The following TRPC4AP variants were observed in gnomAD, a reference collection of about 807,000 sequenced individuals.
TRPC4AP encodes transient receptor potential cation channel subfamily C member 4 associated protein.
A neutral mutation model predicts 99.0 loss-of-function variants in TRPC4AP; 45 were observed. The observed-to-expected ratio is 0.45, with a 90% CI of 0.36 to 0.58. The LOEUF is 0.58. TRPC4AP is among the 20% of genes least tolerant of loss of function. TRPC4AP has a pLI of 0.00. For missense variants in TRPC4AP, 879 were observed against 985.3 expected, an observed-to-expected ratio of 0.89 and a Z score of 1.44; for synonymous variants, 408 against 385.8, an observed-to-expected ratio of 1.06 and a Z score of -0.67.
intron 1 of TRPC4AP, among the ~76,000 whole-genome samples, chr20:35,088,813 G>A (rs1342077477): frequency 6.6e-6 from 1 of 152,024 alleles, no homozygotes; most frequent in Non-Finnish European, 1.5e-5. Flanking sequence ...AGGACATTAT[G>A]TTAAGTAAAA....
At chr20:35,086,521 ATATATGTGTGTGTGTGTG>A (rs2084874261) in intron 1 of TRPC4AP, among the ~76,000 whole-genome samples, 2 of 61,842 alleles carry the variant, frequency 3.2e-5, no homozygotes, top group African/African-American at 1.4e-4. Context: ...GTGTGTGTGT[ATATATGTGTGTGTGTGTG>A]TGTGTGTGTG....
At chr20:35,004,227 G>A (rs2082465594) in intron 17 of TRPC4AP, among the ~76,000 whole-genome samples, 1 of 152,180 alleles carries the variant, frequency 6.6e-6, no homozygotes, top group South Asian at 2.1e-4. Flanking sequence ...GGGAGGCGGG[G>A]AGAGCACTGG....
chr20:35,067,219 T>C (rs536950822), intron 3 of TRPC4AP, among the ~76,000 whole-genome samples: 1 of 152,344 alleles, frequency 6.6e-6, no homozygotes, highest in East Asian at 1.9e-4. Context: ...GAGCGGGGGC[T>C]CATGCTTGTA....
Position 35,003,000 on chromosome 20 carries a change from T to A in TRPC4AP, c.*146A>T. The A allele has an allele frequency of 8.5e-7, 1 of 1,183,020 alleles. No individual in the cohort carries two copies. The highest frequency in any genetic ancestry group is 1.2e-6 in the Non-Finnish European group (1 of 845,742). 73.3% of individuals were successfully genotyped at this position (1,183,020 alleles called of 1,614,324 possible). A position where few individuals can be genotyped will look rare whatever the true frequency, so the allele number is the denominator to read the frequency against. ...CAGACCCAGGGGGACCAAGGGCTTC[T>A]AGGACTTCCCTCCCACCAAGCCTGT... On this transcript the variant is annotated 3_prime_UTR_variant, in exon 19 of 19. Transcript: ENST00000252015.
chr20:35,083,892 T>G (rs112715301), intron 1 of TRPC4AP, among the ~76,000 whole-genome samples: 1 of 151,344 alleles, frequency 6.6e-6, no homozygotes, highest in Non-Finnish European at 1.5e-5. Flanking sequence ...GCAGACCTAG[T>G]AAGCAGCTAA....
At chr20:35,012,966 A>G (rs1408529392) in intron 11 of TRPC4AP, 42 bp downstream of exon 11, 2 of 1,607,570 alleles carry the variant, frequency 1.2e-6, no homozygotes, top group Admixed American at 1.7e-5. Context: ...CCTTCCGAAG[A>G]CAGCCCAACA....
rs748790693 is a variant in TRPC4AP at position 35,068,978 on chromosome 20, C to CACAAAA, written c.414+317_414+318insTTTTGT. Among the ~76,000 whole-genome samples the CACAAAA allele has an allele frequency of 3.1e-3, 296 of 95,114 alleles. 2 individuals carry two copies. Among genetic ancestry groups the CACAAAA allele is most frequent in the Middle Eastern group, 0.01 (2 of 198 alleles). 62.4% of individuals were successfully genotyped at this position (95,114 alleles called of 152,430 possible). On this transcript the variant is annotated intron_variant, in intron 3 of 18. Coordinates refer to ENST00000252015, the MANE Select transcript of TRPC4AP (RefSeq NM_015638.3). ...ACACACACACACACACACACACACA[C>CACAAAA]AAAAAAAACAAAACATCTTAAGCAG...
intron 12 of TRPC4AP, among the ~76,000 whole-genome samples, chr20:35,009,620 GAGAA>G (rs2082588115): frequency 6.6e-6 from 1 of 152,238 alleles, no homozygotes; most frequent in Admixed American, 6.5e-5. Context: ...TGCAGCCTGA[GAGAA>G]AGAGCAAGAC....
intron 7 of TRPC4AP, among the ~76,000 whole-genome samples, chr20:35,037,346 C>T (rs1395831241): frequency 1.3e-5 from 1 of 78,944 alleles, no homozygotes; most frequent in East Asian, 3.6e-4. Flanking sequence ...GACTCTGTCT[C>T]AAAAAAAAAA....
intron 1 of TRPC4AP, 144 bp from the exon 2 acceptor site, chr20:35,078,318 TA>T: frequency 1.2e-6 from 1 of 809,438 alleles, no homozygotes; most frequent in Non-Finnish European, 1.9e-6. Context: ...CCTCTTTCTA[TA>T]AATCTTCAAA....
chr20:35,075,478 G>T (rs2146008078), intron 2 of TRPC4AP, among the ~76,000 whole-genome samples: 1 of 152,262 alleles, frequency 6.6e-6, no homozygotes, highest in East Asian at 1.9e-4. Context: ...CTCAGCATTT[G>T]CTTGTCTGTA....
chr20:35,065,235 T>C (rs6120819), intron 3 of TRPC4AP, among the ~76,000 whole-genome samples: 28,346 of 152,186 alleles, frequency 0.19, 2,721 homozygotes, highest in Middle Eastern at 0.34. Context: ...AAATCTAGAT[T>C]TCCCATAACC....
intron 4 of TRPC4AP, among the ~76,000 whole-genome samples, chr20:35,056,728 C>T (rs911337876): frequency 5.3e-5 from 8 of 151,868 alleles, no homozygotes; most frequent in African/African-American, 2.4e-5. Flanking sequence ...TGCCTGTAAT[C>T]CCAGCACTTG....
At chr20:35,064,330 A>T (rs2084084289) in intron 3 of TRPC4AP, among the ~76,000 whole-genome samples, 1 of 152,230 alleles carries the variant, frequency 6.6e-6, no homozygotes, top group Non-Finnish European at 1.5e-5. Flanking sequence ...AGCATTTTTT[A>T]AATTAAAAAG....
At chr20:35,010,348 C>T (rs2082606506) in intron 11 of TRPC4AP, 60 bp from the exon 12 acceptor site, 1 of 1,442,590 alleles carries the variant, frequency 6.9e-7, no homozygotes, top group African/African-American at 1.4e-5. Context: ...GGGTCAGCAC[C>T]AGGCTAGTGT....
intron 10 of TRPC4AP, among the ~76,000 whole-genome samples, chr20:35,013,699 C>CA (rs2082688648): frequency 6.6e-6 from 1 of 152,220 alleles, no homozygotes; most frequent in Non-Finnish European, 1.5e-5. Context: ...AACTGATACT[C>CA]AGCAGCTGTG....
intron 15 of TRPC4AP, 72 bp from the exon 16 acceptor site, chr20:35,005,875 CACT>C: frequency 7.3e-7 from 1 of 1,365,272 alleles, no homozygotes; most frequent in Non-Finnish European, 1.0e-6. Context: ...GGGGGATAGT[CACT>C]ACAAGGGGCA....
rs1446808515 is a variant in TRPC4AP at position 35,010,223 on chromosome 20, T to C, written c.1475A>G (p.Asn492Ser). 9.3e-6 allele frequency: 15 copies of C among 1,614,202 alleles called. No individual in the cohort carries two copies. Among genetic ancestry groups the C allele is most frequent in the African/African-American group, 2.7e-5 (2 of 75,054 alleles). The change falls in exon 12 of 19, where the codon AAC becomes AGC. Residue 492 changes from asparagine (N) to serine (S), a missense_variant. Asn to Ser is a conservative substitution (Grantham distance 46). Around this residue, in one of 3 missense-constraint regions of TRPC4AP, gnomAD observed 603 missense variants for 631.8 expected, o/e 0.95. Transcript: ENST00000252015. The part of the protein sequence containing the change: ...NELSAISLKA[N>S]IPEVEAVLNT... Reference sequence around the variant, plus strand: ...GAGGACAGCTTCCACCTCAGGGATGTTGGCCTTGAGAGAGATGGCACTGAG... The same window carrying C: ...GAGGACAGCTTCCACCTCAGGGATGCTGGCCTTGAGAGAGATGGCACTGAG...
At chr20:35,074,567 T>C (rs1261323753) in intron 2 of TRPC4AP, among the ~76,000 whole-genome samples, 1 of 152,204 alleles carries the variant, frequency 6.6e-6, no homozygotes. Context: ...AGTTTCCACG[T>C]AGTTGAGTGG....
Sources: gnomAD v4.1 joint callset for allele counts (sites outside exome capture counted in the v4.1 genomes callset) on GRCh38, gnomAD v4.1.1 for gene constraint, gnomAD v4.1.1 regional missense constraint, MANE v1.5 for transcripts, NCBI Gene and HGNC (gene_info 2026-07-23, HGNC 2026-07-21) for gene names.